Variants in SENP7 observed in about 807,000 individuals in gnomAD.
The protein encoded by SENP7 is SUMO specific peptidase 7.
Under a neutral mutation model 141.2 loss-of-function variants are expected in SENP7, and 64 were observed. The ratio of observed to expected loss-of-function variants is 0.45; its 90% confidence interval spans 0.37 to 0.56. SENP7 has a LOEUF of 0.56. SENP7 is among the 20% of genes least tolerant of loss of function. The pLI is 0.00. For synonymous variants in SENP7, 382 were observed against 426.4 expected, an observed-to-expected ratio of 0.90 and a Z score of 1.28; for missense variants, 1,025 against 1,212.2, an observed-to-expected ratio of 0.85 and a Z score of 2.29.
At chr3:101,361,265 T>C (rs2059894683) in intron 11 of SENP7, among the ~76,000 whole-genome samples, 1 of 151,770 alleles carries the variant, frequency 6.6e-6, no homozygotes, top group Non-Finnish European at 1.5e-5. Context: ...CTCACTTTCA[T>C]ATACAGTGGG....
In SENP7 at chr3:101,513,021, T is replaced by G; in HGVS notation, c.40+70A>C. ...CGCGGCTTCGGGCCGCAACCCCAGC[T>G]GCCGCCTGCGCCTCCCGTTTCCCCC... is the stretch of plus-strand genomic sequence containing the variant. On this transcript the variant is annotated intron_variant, in intron 1 of 23. Coordinates refer to ENST00000394095, the MANE Select transcript of SENP7 (RefSeq NM_020654.5). 2.1e-6 allele frequency: 3 copies of G among 1,437,748 alleles called. No homozygotes were observed. In the South Asian group the frequency reaches 4.3e-5, roughly 20 times the overall value. The allele number at this position is 1,437,748 out of a possible 1,614,324, so 89.1% of individuals were successfully genotyped here.
intron 4 of SENP7, among the ~76,000 whole-genome samples, chr3:101,453,326 G>A (rs1437528565): frequency 2.6e-5 from 4 of 152,134 alleles, no homozygotes; most frequent in Non-Finnish European, 4.4e-5. Context: ...CAGGGATCTA[G>A]AACAAGAAAT....
intron 3 of SENP7, among the ~76,000 whole-genome samples, chr3:101,480,596 C>T (rs1007283860): frequency 1.3e-5 from 2 of 152,134 alleles, no homozygotes; most frequent in East Asian, 3.9e-4. Flanking sequence ...GGACATCGGT[C>T]TAGGCAAAGA....
At chr3:101,430,931 G>GT (rs2062142341) in intron 4 of SENP7, among the ~76,000 whole-genome samples, 1 of 152,104 alleles carries the variant, frequency 6.6e-6, no homozygotes, top group Admixed American at 6.5e-5. Context: ...CCTTCATTTC[G>GT]TTATTTACCC....
chr3:101,367,737 C>G (rs2060075172), intron 8 of SENP7, 93 bp downstream of exon 8: 1 of 761,914 alleles, frequency 1.3e-6, no homozygotes, highest in Admixed American at 2.9e-5. Context: ...ATAATAAAAG[C>G]TGAAAGCTAG....
chr3:101,430,188 G>T (rs2062109782), intron 4 of SENP7, among the ~76,000 whole-genome samples: 1 of 152,156 alleles, frequency 6.6e-6, no homozygotes, highest in Non-Finnish European at 1.5e-5. Context: ...GTATCAGGAT[G>T]ATGCTGGCCT....
At chr3:101,436,601 A>C (rs2062397886) in intron 4 of SENP7, among the ~76,000 whole-genome samples, 1 of 152,222 alleles carries the variant, frequency 6.6e-6, no homozygotes. Context: ...TGTGAGCAAA[A>C]AAATAGGCAA....
intron 6 of SENP7, among the ~76,000 whole-genome samples, chr3:101,391,914 GAC>G (rs951381018): frequency 2.6e-4 from 40 of 152,212 alleles, no homozygotes; most frequent in African/African-American, 9.6e-4. Context: ...AGGGATGCAA[GAC>G]ACACACAAAT....
rs988224713 is a variant in SENP7 at position 101,324,957 on chromosome 3, ACAATTTAAAAATATAAAAG to A, written c.*967_*985del. On this transcript the variant is annotated 3_prime_UTR_variant, in exon 24 of 24. Transcript: ENST00000394095. ...TGAGGATCATAGGTCTCTAAAAGCTACAATTTAAAAATATAAAAGCAATGAGAGCAATCTGGCTTTGCAG... is the reference window on the plus strand; with the variant it reads ...TGAGGATCATAGGTCTCTAAAAGCTACAATGAGAGCAATCTGGCTTTGCAG... 1.3e-5 allele frequency: 2 copies of A among 152,052 alleles called. No homozygotes were observed. Among genetic ancestry groups the A allele is most frequent in the African/African-American group, 4.8e-5 (2 of 41,426 alleles). The allele number at this position is 152,052 out of a possible 1,614,324, so 9.4% of individuals were successfully genotyped here.
chr3:101,499,061 G>C (rs1046137586), intron 2 of SENP7, among the ~76,000 whole-genome samples: 1 of 152,094 alleles, frequency 6.6e-6, no homozygotes. Context: ...AGTTATATAA[G>C]ATAACATTAG....
chr3:101,510,585 G>C (rs1289073338), intron 1 of SENP7, among the ~76,000 whole-genome samples: 1 of 152,082 alleles, frequency 6.6e-6, no homozygotes, highest in Non-Finnish European at 1.5e-5. Flanking sequence ...GGGCACGGTG[G>C]CTCACGCCTG....
chr3:101,482,619 A>G (rs896379147), intron 3 of SENP7, among the ~76,000 whole-genome samples: 3 of 152,246 alleles, frequency 2.0e-5, no homozygotes, highest in African/African-American at 4.8e-5. Context: ...ATTTTTAAAG[A>G]GAAAAACATA....
At chr3:101,425,372 A>G (rs1262092107) in intron 4 of SENP7, among the ~76,000 whole-genome samples, 1 of 152,214 alleles carries the variant, frequency 6.6e-6, no homozygotes, top group Non-Finnish European at 1.5e-5. Flanking sequence ...ACAGAGTTAG[A>G]GCACACAGTC....
Position 101,456,094 on chromosome 3 carries a change from G to A in SENP7, c.284+2861C>T, listed in dbSNP as rs79576883. On this transcript the variant is annotated intron_variant, in intron 4 of 23. Transcript: ENST00000394095. ...TACACATTCCCCGGAAATATTTTAT[G>A]AACATTTTAACATTGTGAATTTGAA... Among the ~76,000 whole-genome samples the A allele has an allele frequency of 7.2e-5, 11 of 152,088 alleles. No individual in the cohort carries two copies. The East Asian group carries it at 1.9e-3, about 27-fold the overall frequency.
Position 101,350,391 on chromosome 3 carries a change from A to C in SENP7, c.1657+1227T>G, listed in dbSNP as rs753452325. On this transcript the variant is annotated intron_variant, in intron 12 of 23. Coordinates refer to ENST00000394095, the MANE Select transcript of SENP7 (RefSeq NM_020654.5). ...GCACAGAAAAAGTGGAAACATTTAG[A>C]CCCTCAGGTTCCCACCTACAAAAAC... is the stretch of plus-strand genomic sequence containing the variant. Among the ~76,000 whole-genome samples the C allele has an allele frequency of 3.9e-5, 6 of 152,202 alleles. No individual in the cohort carries two copies. In the South Asian group the frequency reaches 6.2e-4, roughly 16 times the overall value.
chr3:101,421,314 A>G (rs2061785529), intron 4 of SENP7, among the ~76,000 whole-genome samples: 1 of 152,128 alleles, frequency 6.6e-6, no homozygotes, highest in Non-Finnish European at 1.5e-5. Context: ...AAATGTTTAA[A>G]GACTACCAGT....
At chr3:101,327,168 T>C (rs1020563696) in intron 23 of SENP7, among the ~76,000 whole-genome samples, 4 of 152,106 alleles carry the variant, frequency 2.6e-5, no homozygotes, top group Non-Finnish European at 5.9e-5. Context: ...TTCTATTTCT[T>C]TCTCTTTAAA....
intron 6 of SENP7, among the ~76,000 whole-genome samples, chr3:101,376,860 G>C (rs888443731): frequency 6.6e-6 from 1 of 152,092 alleles, no homozygotes; most frequent in African/African-American, 2.4e-5. Context: ...AAATTCAGTT[G>C]TAGTGGACTA....
intron 4 of SENP7, among the ~76,000 whole-genome samples, chr3:101,430,267 A>T (rs1177983458): frequency 6.6e-6 from 1 of 152,196 alleles, no homozygotes; most frequent in Non-Finnish European, 1.5e-5. Flanking sequence ...GAATGGTACC[A>T]GCTCTTCTTT....
Sources: gnomAD v4.1 joint callset for allele counts (sites outside exome capture counted in the v4.1 genomes callset) on GRCh38, gnomAD v4.1.1 for gene constraint, MANE v1.5 for transcripts, NCBI Gene and HGNC (gene_info 2026-07-23, HGNC 2026-07-21) for gene names.